The following RBFOX1 variants were observed in gnomAD, a reference collection of about 807,000 sequenced individuals.
RBFOX1 encodes RNA binding fox-1 homolog 1, also known as RNA binding protein fox-1 homolog 1.
Under a neutral mutation model 57.7 loss-of-function variants are expected in RBFOX1, and 8 were observed. That is an observed-to-expected ratio of 0.14 (90% CI 0.08 to 0.25). RBFOX1 has a LOEUF of 0.25. Ranked by LOEUF, RBFOX1 falls within the 10% of genes least tolerant of loss-of-function variation. The pLI, the probability that RBFOX1 is intolerant of heterozygous loss-of-function variation, is 1.00. For synonymous variants in RBFOX1, 326 were observed against 222.4 expected (o/e 1.47, Z -4.15); for missense variants, 611 against 548.5 (o/e 1.11, Z -1.14).
At chr16:7,223,712 G>GAAAAAAAAAAAAAAAA (rs71147673) in intron 4 of RBFOX1, among the ~76,000 whole-genome samples, 3 of 130,458 alleles carry the variant, frequency 2.3e-5, no homozygotes, top group African/African-American at 8.2e-5. Context: ...CAGTGTTTCA[G>GAAAAAAAAAAAAAAAA]AAAAAAAAAA....
chr16:6,307,315 G>A (rs983718483), intron 1 of RBFOX1, among the ~76,000 whole-genome samples: 20 of 152,004 alleles, frequency 1.3e-4, no homozygotes, highest in African/African-American at 2.7e-4. Flanking sequence ...CCCGGGAGGC[G>A]GAGCTTGCAG....
chr16:6,422,481 A>T (rs802314), intron 2 of RBFOX1, among the ~76,000 whole-genome samples: 4 of 151,870 alleles, frequency 2.6e-5, no homozygotes, highest in Admixed American at 1.3e-4. Flanking sequence ...GTCCATTCTC[A>T]CACTGCTATA....
chr16:5,895,124 T>G (rs1425649281), intron 4 of RBFOX1, among the ~76,000 whole-genome samples: 1 of 152,206 alleles, frequency 6.6e-6, no homozygotes, highest in African/African-American at 2.4e-5. Context: ...GGTATTTTTA[T>G]AATAGAAAAG....
intron 4 of RBFOX1, among the ~76,000 whole-genome samples, chr16:7,215,532 C>T (rs113532146): frequency 7.2e-5 from 11 of 152,162 alleles, no homozygotes; most frequent in African/African-American, 2.7e-4. Context: ...GCAAAATTCA[C>T]CCATTTTAAG....
chr16:6,423,618 A>T (rs893824245), intron 2 of RBFOX1, among the ~76,000 whole-genome samples: 15 of 152,236 alleles, frequency 9.9e-5, no homozygotes, highest in Non-Finnish European at 1.9e-4. Context: ...AAAAAATAAA[A>T]AAAAGGAAGT....
At chr16:7,564,196 G>C (rs760810201) in intron 5 of RBFOX1, among the ~76,000 whole-genome samples, 31 of 152,074 alleles carry the variant, frequency 2.0e-4, no homozygotes, top group Non-Finnish European at 3.8e-4. Flanking sequence ...ATCCATACAG[G>C]AGGCAGAGAT....
intron 2 of RBFOX1, among the ~76,000 whole-genome samples, chr16:6,340,982 G>C (rs1304643990): frequency 6.6e-6 from 1 of 152,196 alleles, no homozygotes; most frequent in East Asian, 1.9e-4. Flanking sequence ...TGGACAGAGA[G>C]TGGCACAGAA....
chr16:7,357,161 CACAAGGATTTTGAATTCT>C (rs2146344579), intron 4 of RBFOX1, among the ~76,000 whole-genome samples: 1 of 151,074 alleles, frequency 6.6e-6, no homozygotes, highest in South Asian at 2.1e-4. Context: ...CATGTAGGAA[CACAAGGATTTTGAATTCT>C]GCAAGCATAC....
chr16:7,027,383 G>T, intron 3 of RBFOX1, among the ~76,000 whole-genome samples: 1 of 152,060 alleles, frequency 6.6e-6, no homozygotes, highest in Non-Finnish European at 1.5e-5. Flanking sequence ...TAATCTCATA[G>T]ATGCCTAACA....
Position 7,712,347 on chromosome 16 carries a change from C to T in RBFOX1, c.*1602C>T, listed in dbSNP as rs1203885290. Reference sequence around the variant, plus strand: ...AGTTATCAACTCTCACCGCTGTGAACCTGCCAATCCGCTGTAACAACTCTG... The same window carrying T: ...AGTTATCAACTCTCACCGCTGTGAATCTGCCAATCCGCTGTAACAACTCTG... On this transcript the variant is annotated 3_prime_UTR_variant, in exon 16 of 16. Transcript: ENST00000550418. 1 of 152,586 alleles carries T rather than the reference C, an allele frequency of 6.6e-6. No homozygotes were observed. Among genetic ancestry groups the T allele is most frequent in the Non-Finnish European group, 1.5e-5 (1 of 68,052 alleles). The allele number at this position is 152,586 out of a possible 1,614,324, so 9.5% of individuals were successfully genotyped here. A position where few individuals can be genotyped will look rare whatever the true frequency, so the allele number is the denominator to read the frequency against.
intron 4 of RBFOX1, among the ~76,000 whole-genome samples, chr16:7,450,508 A>G (rs1250332041): frequency 6.6e-6 from 1 of 152,034 alleles, no homozygotes; most frequent in African/African-American, 2.4e-5. Context: ...ATTTGAAGAT[A>G]ACGGCCCCCG....
chr16:7,356,817 C>T (rs1344083801), intron 4 of RBFOX1, among the ~76,000 whole-genome samples: 7 of 152,170 alleles, frequency 4.6e-5, no homozygotes, highest in Non-Finnish European at 7.3e-5. Flanking sequence ...GGGTTTGGAG[C>T]CAGGTTTAGT....
At chr16:7,206,515 G>T (rs2090007325) in intron 4 of RBFOX1, among the ~76,000 whole-genome samples, 1 of 151,614 alleles carries the variant, frequency 6.6e-6, no homozygotes, top group Non-Finnish European at 1.5e-5. Flanking sequence ...ATTTTAGAAA[G>T]ACACTTGCAA....
At chr16:6,708,743 T>TCAAA (rs1221939094) in intron 3 of RBFOX1, among the ~76,000 whole-genome samples, 3 of 152,218 alleles carry the variant, frequency 2.0e-5, no homozygotes, top group Non-Finnish European at 2.9e-5. Context: ...TTAGCTCAAC[T>TCAAA]CAGGCGTCCC....
chr16:7,682,645 A>G (rs946655468), intron 14 of RBFOX1, among the ~76,000 whole-genome samples: 6 of 151,546 alleles, frequency 4.0e-5, no homozygotes, highest in Non-Finnish European at 7.4e-5. Context: ...AGTTGTAATA[A>G]GAATGTAGCA....
chr16:5,790,482 G>T (rs548037934), intron 3 of RBFOX1, among the ~76,000 whole-genome samples: 1 of 149,736 alleles, frequency 6.7e-6, no homozygotes, highest in East Asian at 2.0e-4. Flanking sequence ...TACAACTGTT[G>T]ATGAAGATGC....
intron 2 of RBFOX1, among the ~76,000 whole-genome samples, chr16:6,608,983 A>C (rs1010442170): frequency 1.3e-5 from 2 of 152,134 alleles, no homozygotes. Flanking sequence ...AGCCATGGCC[A>C]GGCAAGCCTT....
At chr16:6,516,677 A>G (rs549947770) in intron 2 of RBFOX1, among the ~76,000 whole-genome samples, 8 of 152,212 alleles carry the variant, frequency 5.3e-5, no homozygotes, top group Non-Finnish European at 7.3e-5. Context: ...GATTTCAGTA[A>G]CATCACCAAT....
At chr16:7,358,406 GTGTTTTT>G (rs539846470) in intron 4 of RBFOX1, among the ~76,000 whole-genome samples, 255 of 151,980 alleles carry the variant, frequency 1.7e-3, no homozygotes, top group South Asian at 5.8e-3. Context: ...AAGTATTTTT[GTGTTTTT>G]TGTTTTTTGT....
Sources: allele counts gnomAD v4.1 joint callset (sites outside exome capture counted in the v4.1 genomes callset), GRCh38; gene constraint gnomAD v4.1.1; transcripts MANE v1.5; gene names NCBI Gene and HGNC (gene_info 2026-07-23, HGNC 2026-07-21).